NFIB: variants seen among roughly 807,000 people sequenced by gnomAD.
The protein encoded by NFIB is nuclear factor I B, also known as nuclear factor 1 B-type.
In NFIB, 11 loss-of-function variants were observed where a neutral mutation model predicts 61.5. The observed-to-expected ratio is 0.18, with a 90% CI of 0.11 to 0.30. The LOEUF is 0.30. Among genes scored for constraint, NFIB ranks in the 10% least tolerant of loss-of-function variants. NFIB has a pLI of 1.00. For synonymous variants in NFIB, 260 were observed against 216.5 expected (o/e 1.20, Z -1.76); for missense variants, 471 against 608.9 (o/e 0.77, Z 2.38).
the NFIB span, among the ~76,000 whole-genome samples, chr9:14,504,233 TA>T: frequency 6.6e-6 from 1 of 152,244 alleles, no homozygotes; most frequent in African/African-American, 2.4e-5. Flanking sequence ...ACTATGGCCT[TA>T]TAGTATAGTT....
upstream of NFIB, among the ~76,000 whole-genome samples, chr9:14,399,389 G>A (rs986790510): frequency 1.3e-5 from 2 of 152,110 alleles, no homozygotes; most frequent in Non-Finnish European, 2.9e-5. Flanking sequence ...ATTAACACAG[G>A]AATTCTAAAT....
intron 1 of NFIB, among the ~76,000 whole-genome samples, chr9:14,329,494 G>C (rs975100405): frequency 5.9e-5 from 9 of 152,024 alleles, no homozygotes; most frequent in African/African-American, 1.9e-4. Flanking sequence ...CTCACAGTGA[G>C]TGACTCCTTG....
chr9:14,462,268 TTTTTTTTC>T, the NFIB span, among the ~76,000 whole-genome samples: 19 of 150,878 alleles, frequency 1.3e-4, no homozygotes, highest in African/African-American at 4.1e-4. Context: ...TTCTTTTTTC[TTTTTTTTC>T]TTTTTTTCTT....
intron 2 of NFIB, among the ~76,000 whole-genome samples, chr9:14,290,054 C>A (rs896036702): frequency 6.6e-6 from 1 of 151,954 alleles, no homozygotes; most frequent in African/African-American, 2.4e-5. Context: ...AAATGAAAGA[C>A]CTCATGAAAA....
the NFIB span, among the ~76,000 whole-genome samples, chr9:14,421,243 A>G: frequency 6.6e-6 from 1 of 152,182 alleles, no homozygotes; most frequent in Non-Finnish European, 1.5e-5. Flanking sequence ...TAACAATCAT[A>G]TTAATTGAAA....
chr9:14,359,320 C>T (rs974268641), intron 1 of NFIB, among the ~76,000 whole-genome samples: 1 of 152,120 alleles, frequency 6.6e-6, no homozygotes, highest in Non-Finnish European at 1.5e-5. Context: ...CATGTGGGCT[C>T]TATATACAAT....
chr9:14,126,615 T>A (rs552303518), intron 6 of NFIB, among the ~76,000 whole-genome samples: 2 of 151,532 alleles, frequency 1.3e-5, no homozygotes, highest in East Asian at 3.9e-4. Flanking sequence ...GTGTGTGGAG[T>A]GGTGAAAGAT....
chr9:14,373,999 G>A (rs1433489556), intron 1 of NFIB, among the ~76,000 whole-genome samples: 1 of 152,168 alleles, frequency 6.6e-6, no homozygotes, highest in African/African-American at 2.4e-5. Flanking sequence ...CTGAGTATGC[G>A]TTAGTTGGAA....
At chr9:14,513,185 G>C in the NFIB span, among the ~76,000 whole-genome samples, 114,983 of 152,076 alleles carry the variant, frequency 0.76, 43,614 homozygotes, top group Non-Finnish European at 0.79. Flanking sequence ...CTTCCAAAGA[G>C]CAACTCTTTA....
chr9:14,289,190 T>C (rs746082776), intron 2 of NFIB, among the ~76,000 whole-genome samples: 1 of 146,008 alleles, frequency 6.8e-6, no homozygotes, highest in Non-Finnish European at 1.5e-5. Flanking sequence ...CCAAAATATA[T>C]AATATATACC....
intron 2 of NFIB, among the ~76,000 whole-genome samples, chr9:14,202,288 T>C (rs2049126277): frequency 6.6e-6 from 1 of 152,100 alleles, no homozygotes; most frequent in Non-Finnish European, 1.5e-5. Flanking sequence ...TGTGTAAAGG[T>C]GGTATGATGG....
At chr9:14,117,769 G>C (rs949900358) in intron 8 of NFIB, among the ~76,000 whole-genome samples, 1 of 152,134 alleles carries the variant, frequency 6.6e-6, no homozygotes, top group Non-Finnish European at 1.5e-5. Flanking sequence ...AAACCTATGG[G>C]AGAGTTACAT....
In NFIB at chr9:14,150,132, C is replaced by G. The variant is rs1285206701; in HGVS notation, c.806+13G>C. 4 of 1,613,068 alleles carry G rather than the reference C, an allele frequency of 2.5e-6. No homozygotes were observed. The highest frequency in any genetic ancestry group is 1.7e-5 in the Admixed American group (1 of 59,952). On this transcript the variant is annotated intron_variant, in intron 5 of 10. Coordinates refer to ENST00000380953, the MANE Select transcript of NFIB (RefSeq NM_001190737.2). ...GTATCACTTGAGAATATGAGCAGCC[C>G]TTCTTTCAGTACCTGCTTGGTGGAG...
intron 1 of NFIB, among the ~76,000 whole-genome samples, chr9:14,354,209 G>A (rs1198595976): frequency 1.3e-5 from 2 of 152,040 alleles, no homozygotes; most frequent in East Asian, 3.9e-4. Context: ...TTCCCTAATT[G>A]TGAGCAAAGA....
At chr9:14,279,404 T>A (rs997316736) in intron 2 of NFIB, among the ~76,000 whole-genome samples, 1 of 152,104 alleles carries the variant, frequency 6.6e-6, no homozygotes, top group East Asian at 1.9e-4. Context: ...CACAAACATT[T>A]TACCTAAGAC....
intron 10 of NFIB, among the ~76,000 whole-genome samples, chr9:14,107,222 G>C (rs1563790865): frequency 6.6e-6 from 1 of 151,646 alleles, no homozygotes; most frequent in African/African-American, 2.4e-5. Context: ...AATGGTCTCT[G>C]GATGAATAGC....
At position 14,113,011 on chromosome 9, in the gene NFIB, T is replaced by C; in HGVS notation, c.1455A>G (p.Leu485=). The C allele has an allele frequency of 6.5e-7, 1 of 1,550,302 alleles. No individual in the cohort carries two copies. Among genetic ancestry groups the C allele is most frequent in the African/African-American group, 1.4e-5 (1 of 73,152 alleles). The part of the protein sequence containing the change: ...VGLSPRDPSF[L]HQQQSWYLG The stretch of plus-strand genomic sequence containing the variant: ...GAAACTTGCCCACCTGTTGCTGATG[T>C]AGGAAGGATGGGTCTCTTGGGCTTA... The change falls in exon 10 of 11, where the codon CTA becomes CTG. Residue 485 remains leucine, a synonymous_variant. Transcript: ENST00000380953.
rs2032674497 is a variant in NFIB, at chr9:14,085,285, AG to A, written c.*3023del. The A allele has an allele frequency of 4.4e-6, 1 of 225,904 alleles. No individual in the cohort carries two copies. The highest frequency in any genetic ancestry group is 2.2e-5 in the African/African-American group (1 of 44,958). The allele number at this position is 225,904 out of a possible 1,614,324, so 14.0% of individuals were successfully genotyped here. A position where few individuals can be genotyped will look rare whatever the true frequency, so the allele number is the denominator to read the frequency against. ...AGTTTATTTTATTAGGCCATGGCCT[AG>A]GGGAAGGGGGCCAGGGGACTCCTTA... is the stretch of plus-strand genomic sequence containing the variant. On this transcript the variant is annotated 3_prime_UTR_variant, in exon 11 of 11. Transcript: ENST00000380953.
intron 2 of NFIB, among the ~76,000 whole-genome samples, chr9:14,186,620 G>A (rs2047359035): frequency 6.7e-6 from 1 of 149,490 alleles, no homozygotes; most frequent in African/African-American, 2.4e-5. Flanking sequence ...ATTCTCCTTG[G>A]GCCAAACCTT....
Sources: allele counts gnomAD v4.1 joint callset (sites outside exome capture counted in the v4.1 genomes callset), GRCh38; gene constraint gnomAD v4.1.1; transcripts MANE v1.5; gene names NCBI Gene and HGNC (gene_info 2026-07-23, HGNC 2026-07-21).